The following ACKR3 variants were observed in gnomAD, a reference collection of about 807,000 sequenced individuals.
The protein encoded by ACKR3 is C-X-C chemokine receptor type 7.
ACKR3 carries 6 observed loss-of-function variants against 22.4 expected under a neutral mutation model. The observed-to-expected ratio is 0.27, with a 90% CI of 0.15 to 0.53. ACKR3 has a LOEUF of 0.53. Ranked by LOEUF, ACKR3 falls within the 20% of genes least tolerant of loss-of-function variation. The pLI is 0.96. For synonymous variants in ACKR3, 209 were observed against 205.2 expected (o/e 1.02, Z -0.16); for missense variants, 396 against 475.2 (o/e 0.83, Z 1.55).
At position 236,577,616 on chromosome 2, in the gene ACKR3, A is replaced by G. The variant is rs566720227; in HGVS notation, c.-26-2824A>G. 6.6e-6 allele frequency among the ~76,000 whole-genome samples: 1 copy of G among 152,016 alleles called. No individual in the cohort carries two copies. Among genetic ancestry groups the G allele is most frequent in the Non-Finnish European group, 1.5e-5 (1 of 67,926 alleles). On this transcript the variant is annotated intron_variant, in intron 1 of 1. Coordinates refer to ENST00000272928, the MANE Select transcript of ACKR3 (RefSeq NM_020311.3). This position sits in a 1 kb window ranked among gnomAD's most constrained non-coding sequence, Gnocchi z 5.6. ...CTCCTGCTGGGGCCTGTCCATGCTG[A>G]GCAGTGGCCAGGCGCCTGGCCAGCC...
At chr2:236,542,583 G>A in the ACKR3 span, among the ~76,000 whole-genome samples, 5 of 152,144 alleles carry the variant, frequency 3.3e-5, no homozygotes, top group Admixed American at 1.3e-4. Context: ...CCAGAGGTCC[G>A]TCCAGGAGAC....
the ACKR3 span, among the ~76,000 whole-genome samples, chr2:236,556,271 C>G: frequency 6.6e-6 from 1 of 152,142 alleles, no homozygotes; most frequent in Non-Finnish European, 1.5e-5. Context: ...TGGCGCTTGC[C>G]ACGGAGATGG....
At chr2:236,579,120 C>A (rs751898356) in intron 1 of ACKR3, among the ~76,000 whole-genome samples, 5 of 152,220 alleles carry the variant, frequency 3.3e-5, no homozygotes, top group Non-Finnish European at 4.4e-5. Context: ...AATGTCTGAT[C>A]TCGGAGTGGG....
At chr2:236,550,893 G>A in the ACKR3 span, among the ~76,000 whole-genome samples, 2 of 152,194 alleles carry the variant, frequency 1.3e-5, no homozygotes, top group African/African-American at 2.4e-5. The surrounding 1 kb of genome is among the most constrained non-coding windows in gnomAD (Gnocchi z 4.6). Context: ...CCCCGGCTGG[G>A]TGGCTGCAAG....
chr2:236,572,286 A>G (rs1345343039), intron 1 of ACKR3, among the ~76,000 whole-genome samples: 3 of 152,214 alleles, frequency 2.0e-5, no homozygotes, highest in Non-Finnish European at 4.4e-5. Flanking sequence ...TATGGTGACA[A>G]TTTTAAAGAG....
intron 1 of ACKR3, among the ~76,000 whole-genome samples, chr2:236,578,698 C>T (rs1311662458): frequency 6.6e-6 from 1 of 152,208 alleles, no homozygotes; most frequent in African/African-American, 2.4e-5. Flanking sequence ...GCTGTGGAGC[C>T]GAGGCCGCGA....
chr2:236,568,954 C>T (rs796885156), upstream of ACKR3, among the ~76,000 whole-genome samples: 44 of 152,232 alleles, frequency 2.9e-4, 1 homozygote, highest in African/African-American at 9.9e-4. Flanking sequence ...CCTTTGGGTC[C>T]CTATCTTATG....
chr2:236,545,307 A>G, the ACKR3 span, among the ~76,000 whole-genome samples: 1 of 152,184 alleles, frequency 6.6e-6, no homozygotes, highest in East Asian at 1.9e-4. The surrounding 1 kb of genome is among the most constrained non-coding windows in gnomAD (Gnocchi z 5.3). Context: ...CACGGGTCTG[A>G]AATGCCCCCT....
At chr2:236,569,385 A>C (rs1023910637), upstream of ACKR3, among the ~76,000 whole-genome samples, 1 of 152,254 alleles carries the variant, frequency 6.6e-6, no homozygotes, top group Non-Finnish European at 1.5e-5. Context: ...GTAAATCAAC[A>C]TCGAAGTTCA....
chr2:236,547,117 A>G, the ACKR3 span, among the ~76,000 whole-genome samples: 1 of 152,236 alleles, frequency 6.6e-6, no homozygotes, highest in Non-Finnish European at 1.5e-5. Context: ...ACACATTGTC[A>G]TGATGACAGG....
rs1691543902 is a variant in ACKR3, at chr2:236,581,724, T to C, written c.*170T>C. 1.3e-5 allele frequency: 12 copies of C among 893,680 alleles called. No individual in the cohort carries two copies. Among genetic ancestry groups the C allele is most frequent in the Non-Finnish European group, 2.0e-5 (12 of 600,636 alleles). The allele number at this position is 893,680 out of a possible 1,614,324, so 55.4% of individuals were successfully genotyped here. On this transcript the variant is annotated 3_prime_UTR_variant, in exon 2 of 2. Transcript: ENST00000272928. This position sits in a 1 kb window ranked among gnomAD's most constrained non-coding sequence, Gnocchi z 4.4. ...TCTCTCTTTCTCTTGATGACGCAGC[T>C]GTCATTTGGCTGTGCGTGCTGACAG...
At chr2:236,578,369 A>G (rs1691455906) in intron 1 of ACKR3, among the ~76,000 whole-genome samples, 1 of 152,200 alleles carries the variant, frequency 6.6e-6, no homozygotes, top group Non-Finnish European at 1.5e-5. Flanking sequence ...GCAGCCTCCC[A>G]TGCTTGGGCA....
At chr2:236,565,554 C>A (rs952593128), upstream of ACKR3, among the ~76,000 whole-genome samples, 1 of 152,222 alleles carries the variant, frequency 6.6e-6, no homozygotes, top group South Asian at 2.1e-4. Context: ...ACAACTAACT[C>A]TTCTCTGTCC....
the ACKR3 span, among the ~76,000 whole-genome samples, chr2:236,555,820 GAA>G: frequency 0.075 from 9,974 of 133,832 alleles, 1,039 homozygotes; most frequent in African/African-American, 0.23. Context: ...TACCTTAAAG[GAA>G]AAAAAAAAAA....
At chr2:236,557,989 A>T in the ACKR3 span, among the ~76,000 whole-genome samples, 1 of 152,238 alleles carries the variant, frequency 6.6e-6, no homozygotes, top group African/African-American at 2.4e-5. Flanking sequence ...GGGAAGACTG[A>T]GAAACTGGGC....
At chr2:236,580,388 A>C in intron 1 of ACKR3, 52 bp from the exon 2 acceptor site, 48 of 1,536,630 alleles carry the variant, frequency 3.1e-5, no homozygotes, top group Non-Finnish European at 4.2e-5. Context: ...AGTTTTTCCT[A>C]ATGAAGTGAC....
At chr2:236,564,934 A>G (rs1343372041), upstream of ACKR3, among the ~76,000 whole-genome samples, 1 of 152,206 alleles carries the variant, frequency 6.6e-6, no homozygotes, top group Admixed American at 6.5e-5. Flanking sequence ...TGAAGATAAA[A>G]TGAAAGAAGA....
the ACKR3 span, among the ~76,000 whole-genome samples, chr2:236,555,450 C>T: frequency 6.6e-6 from 1 of 152,148 alleles, no homozygotes; most frequent in South Asian, 2.1e-4. Flanking sequence ...TTTTGCTGGT[C>T]ATGGTGATTG....
At chr2:236,552,789 AC>A in the ACKR3 span, among the ~76,000 whole-genome samples, 1 of 151,958 alleles carries the variant, frequency 6.6e-6, no homozygotes, top group Non-Finnish European at 1.5e-5. Context: ...GAGGGAGGGG[AC>A]CCCAGGGCCG....
Sources: gnomAD v4.1 joint callset for allele counts (sites outside exome capture counted in the v4.1 genomes callset) on GRCh38, gnomAD v4.1.1 for gene constraint, Gnocchi (gnomAD v3.1) non-coding constraint, MANE v1.5 for transcripts, NCBI Gene and HGNC (gene_info 2026-07-23, HGNC 2026-07-21) for gene names.